CERS6: variants seen among roughly 807,000 people sequenced by gnomAD.
CERS6 encodes the protein ceramide synthase 6.
In CERS6, 26 loss-of-function variants were observed where a neutral mutation model predicts 56.8. That is an observed-to-expected ratio of 0.46 (90% confidence interval 0.34 to 0.63). The LOEUF (loss-of-function observed/expected upper bound fraction) is 0.63. Among genes scored for constraint, CERS6 ranks in the 30% least tolerant of loss-of-function variants. The pLI is 0.01. For synonymous variants in CERS6, 164 were observed against 173.3 expected, an observed-to-expected ratio of 0.95 and a Z score of 0.42; for missense variants, 415 against 467.5, an observed-to-expected ratio of 0.89 and a Z score of 1.04.
At chr2:168,465,400 C>T (rs1029312774) in intron 1 of CERS6, among the ~76,000 whole-genome samples, 1 of 152,184 alleles carries the variant, frequency 6.6e-6, no homozygotes, top group Non-Finnish European at 1.5e-5. Flanking sequence ...TCACTAAGGT[C>T]ACTAATCCTA....
chr2:168,715,474 A>T (rs1687205293), intron 7 of CERS6, among the ~76,000 whole-genome samples: 1 of 152,192 alleles, frequency 6.6e-6, no homozygotes. Context: ...TGTAAAACGC[A>T]GTTTAGTTAC....
At chr2:168,471,829 T>C (rs1448957045) in intron 1 of CERS6, among the ~76,000 whole-genome samples, 2 of 152,200 alleles carry the variant, frequency 1.3e-5, no homozygotes, top group African/African-American at 4.8e-5. Context: ...CGGCTGCTGC[T>C]CTGAATGAGA....
intron 4 of CERS6, among the ~76,000 whole-genome samples, chr2:168,658,449 C>T (rs528211417): frequency 7.6e-4 from 116 of 152,234 alleles, no homozygotes; most frequent in Non-Finnish European, 1.4e-3. Flanking sequence ...TGTAGGTGAT[C>T]CTCTCTAGTC....
At chr2:168,460,960 C>T (rs1314706227) in intron 1 of CERS6, among the ~76,000 whole-genome samples, 1 of 151,930 alleles carries the variant, frequency 6.6e-6, no homozygotes, top group East Asian at 1.9e-4. Context: ...TGGGTGAGGC[C>T]TTCTAGGATA....
At chr2:168,474,431 T>C (rs1259625905) in intron 1 of CERS6, among the ~76,000 whole-genome samples, 2 of 152,200 alleles carry the variant, frequency 1.3e-5, no homozygotes, top group African/African-American at 4.8e-5. Flanking sequence ...CAAGAAAAAT[T>C]ATACCAATTG....
intron 1 of CERS6, among the ~76,000 whole-genome samples, chr2:168,473,526 T>A (rs1434176539): frequency 6.6e-6 from 1 of 152,200 alleles, no homozygotes; most frequent in African/African-American, 2.4e-5. Context: ...TCTTAGTGCA[T>A]TATTGTGTCA....
At chr2:168,694,854 G>T in intron 5 of CERS6, 105 bp from the exon 6 acceptor site, 1 of 822,312 alleles carries the variant, frequency 1.2e-6, no homozygotes, top group Non-Finnish European at 2.0e-6. Flanking sequence ...CCTTTGTGCA[G>T]GTGCAAGACC....
At chr2:168,476,103 G>GA (rs1265176938) in intron 1 of CERS6, among the ~76,000 whole-genome samples, 1 of 152,140 alleles carries the variant, frequency 6.6e-6, no homozygotes, top group East Asian at 1.9e-4. Context: ...GAGGTACAGA[G>GA]AAAGAGTTGC....
chr2:168,633,393 T>G (rs759791773), intron 4 of CERS6, among the ~76,000 whole-genome samples: 1 of 152,076 alleles, frequency 6.6e-6, no homozygotes, highest in Non-Finnish European at 1.5e-5. Context: ...TGTCCAACCC[T>G]CTCATTTCAC....
At chr2:168,591,842 A>G (rs915628344) in intron 3 of CERS6, among the ~76,000 whole-genome samples, 3 of 152,248 alleles carry the variant, frequency 2.0e-5, no homozygotes, top group Non-Finnish European at 2.9e-5. Flanking sequence ...GTTAGATTTT[A>G]GAGAAGGGGA....
chr2:168,565,727 CATG>C (rs1695872832), intron 3 of CERS6, among the ~76,000 whole-genome samples: 1 of 152,186 alleles, frequency 6.6e-6, no homozygotes, highest in African/African-American at 2.4e-5. Flanking sequence ...AATACATTGA[CATG>C]ATTTTTTTTC....
chr2:168,484,756 T>C (rs1227948583), intron 1 of CERS6, among the ~76,000 whole-genome samples: 2 of 152,150 alleles, frequency 1.3e-5, no homozygotes, highest in South Asian at 2.1e-4. Context: ...CAAATTTTTC[T>C]CATTAGAGGC....
intron 1 of CERS6, among the ~76,000 whole-genome samples, chr2:168,484,580 A>C (rs1241613101): frequency 6.6e-6 from 1 of 152,120 alleles, no homozygotes; most frequent in Non-Finnish European, 1.5e-5. Flanking sequence ...CATAATCATT[A>C]AGTGTCCTGA....
At chr2:168,535,649 C>A (rs1426270763) in intron 1 of CERS6, among the ~76,000 whole-genome samples, 1 of 146,654 alleles carries the variant, frequency 6.8e-6, no homozygotes, top group African/African-American at 2.5e-5. Context: ...TTGGCCCTGC[C>A]CAACAATGTT....
chr2:168,687,385 C>T (rs561344734), intron 4 of CERS6, among the ~76,000 whole-genome samples: 125 of 152,288 alleles, frequency 8.2e-4, no homozygotes, highest in Non-Finnish European at 1.7e-3. Flanking sequence ...TTCCCTAGTA[C>T]CTTACTACTT....
intron 6 of CERS6, among the ~76,000 whole-genome samples, chr2:168,705,847 CA>C (rs1028054319): frequency 1.9e-4 from 28 of 146,880 alleles, no homozygotes; most frequent in African/African-American, 5.0e-4. Flanking sequence ...ATTGCAACAA[CA>C]AAAAAAAAAT....
intron 1 of CERS6, among the ~76,000 whole-genome samples, chr2:168,528,659 A>T (rs1339553501): frequency 2.2e-4 from 1 of 4,580 alleles, no homozygotes; most frequent in Non-Finnish European, 1.8e-3. Context: ...AGAGGTTCAT[A>T]GTTTTATAGC....
At chr2:168,613,498 C>G (rs964334259) in intron 3 of CERS6, among the ~76,000 whole-genome samples, 1 of 152,076 alleles carries the variant, frequency 6.6e-6, no homozygotes, top group African/African-American at 2.4e-5. Context: ...GGTGGAATGG[C>G]CAGTTGTGTC....
chr2:168,558,365 G>A (rs1695719841), intron 2 of CERS6, among the ~76,000 whole-genome samples: 1 of 152,140 alleles, frequency 6.6e-6, no homozygotes, highest in African/African-American at 2.4e-5. Flanking sequence ...ATTAATAGCA[G>A]AATGGATAAG....
Sources: gnomAD v4.1 joint callset for allele counts (sites outside exome capture counted in the v4.1 genomes callset) on GRCh38, gnomAD v4.1.1 for gene constraint, MANE v1.5 for transcripts, NCBI Gene and HGNC (gene_info 2026-07-23, HGNC 2026-07-21) for gene names.